The following CBFA2T3 variants were observed in gnomAD, a reference collection of about 807,000 sequenced individuals.
CBFA2T3 encodes the protein transcriptional corepressor CBFA2T3.
Under a neutral mutation model 58.6 loss-of-function variants are expected in CBFA2T3, and 31 were observed. That is an observed-to-expected ratio of 0.53 (90% CI 0.40 to 0.71). The LOEUF is 0.71. Among genes scored for constraint, CBFA2T3 ranks in the 30% least tolerant of loss-of-function variants. The probability of loss-of-function intolerance (pLI) is 0.00; values close to 1 mark genes in which losing one functional copy is unlikely to be tolerated. For synonymous variants in CBFA2T3, 531 were observed against 421.9 expected (o/e 1.26, Z -3.17); for missense variants, 1,076 against 963.1 (o/e 1.12, Z -1.55).
At chr16:88,963,457 C>T (rs1007873636) in intron 1 of CBFA2T3, among the ~76,000 whole-genome samples, 10 of 151,988 alleles carry the variant, frequency 6.6e-5, no homozygotes, top group Non-Finnish European at 1.0e-4. Context: ...ACACTGACAA[C>T]GTTCTGCAAC....
intron 1 of CBFA2T3, among the ~76,000 whole-genome samples, chr16:88,908,621 T>A (rs1191871879): frequency 6.6e-6 from 1 of 152,192 alleles, no homozygotes; most frequent in African/African-American, 2.4e-5. Flanking sequence ...GCTCCCAGCC[T>A]GGGAGTTCCA....
At chr16:88,903,926 G>C (rs1360140391) in intron 1 of CBFA2T3, among the ~76,000 whole-genome samples, 1 of 152,256 alleles carries the variant, frequency 6.6e-6, no homozygotes, top group African/African-American at 2.4e-5. Flanking sequence ...AACAGAAGTG[G>C]ATGCAGAGAG....
chr16:88,877,193 T>C lies in CBFA2T3; in HGVS notation c.1745A>G (p.His582Arg), dbSNP rs1281796445. ...GTGGTGATGCTTCTCCCAGTCCCGATGCTGGCAGAAGGACCCGCAGTAGCG... is the reference window on the plus strand; with the variant it reads ...GTGGTGATGCTTCTCCCAGTCCCGACGCTGGCAGAAGGACCCGCAGTAGCG... ...AARYCGSFCQHRDWEKHHHVC... is the reference protein window; with the variant it reads ...AARYCGSFCQRRDWEKHHHVC... The change falls in exon 12 of 12, where the codon CAT (histidine) becomes CGT (arginine). Residue 582 changes from histidine (H) to arginine (R), a missense_variant. Coordinates refer to ENST00000268679, the MANE Select transcript of CBFA2T3 (RefSeq NM_005187.6). 6.4e-7 allele frequency: 1 copy of C among 1,555,270 alleles called. No homozygotes were observed. Among genetic ancestry groups the C allele is most frequent in the Admixed American group, 1.9e-5 (1 of 51,766 alleles).
chr16:88,963,847 A>C (rs1440186917), intron 1 of CBFA2T3, among the ~76,000 whole-genome samples: 1 of 152,206 alleles, frequency 6.6e-6, no homozygotes, highest in Non-Finnish European at 1.5e-5. Context: ...GGGTCCGTGC[A>C]CGTCTGAGGC....
At chr16:88,910,610 G>A (rs1379502291) in intron 1 of CBFA2T3, among the ~76,000 whole-genome samples, 1 of 152,216 alleles carries the variant, frequency 6.6e-6, no homozygotes, top group African/African-American at 2.4e-5. Context: ...GGGGTGAGCT[G>A]CGGATGGCGT....
chr16:88,892,864 C>T (rs1052887746), intron 3 of CBFA2T3, among the ~76,000 whole-genome samples: 2 of 152,202 alleles, frequency 1.3e-5, no homozygotes, highest in African/African-American at 4.8e-5. Flanking sequence ...TGTGGCTTCT[C>T]CTGCCTGGCA....
intron 1 of CBFA2T3, among the ~76,000 whole-genome samples, chr16:88,949,832 G>A (rs549662521): frequency 2.0e-5 from 3 of 151,874 alleles, no homozygotes; most frequent in African/African-American, 4.8e-5. Flanking sequence ...CCGACATGGC[G>A]AAACCCCGTC....
intron 1 of CBFA2T3, among the ~76,000 whole-genome samples, chr16:88,961,151 A>G (rs1248722892): frequency 6.6e-6 from 1 of 152,100 alleles, no homozygotes; most frequent in African/African-American, 2.4e-5. Flanking sequence ...TGGTGTCTCT[A>G]GAGCTTTCTA....
chr16:88,876,803 C>T lies in CBFA2T3; in HGVS notation c.*173G>A. On this transcript the variant is annotated 3_prime_UTR_variant, in exon 12 of 12. Transcript: ENST00000268679. ...GAATGCGGTTTTGTTGGTTCTGTGT[C>T]TTCTTTCGGAGAGGGGCAGTAGCAG... 1.9e-6 allele frequency: 1 copy of T among 529,332 alleles called. No individual in the cohort carries two copies. The allele number at this position is 529,332 out of a possible 1,614,324, so 32.8% of individuals were successfully genotyped here.
At chr16:88,957,706 C>T (rs1046702612) in intron 1 of CBFA2T3, 29 of 152,232 alleles carry the variant, frequency 1.9e-4, no homozygotes, top group African/African-American at 6.3e-4. Context: ...AAGGCAGGTC[C>T]GACACACGCT....
In CBFA2T3 at chr16:88,908,817, G is replaced by A. The variant is rs368192626; in HGVS notation, c.152-7161C>T. ...AGGTAACGCAGGTGACCTGTCTTGA[G>A]GCCTTTGCACAGGCAACATAGCCAC... On this transcript the variant is annotated intron_variant, in intron 1 of 11. Coordinates refer to ENST00000268679, the MANE Select transcript of CBFA2T3 (RefSeq NM_005187.6). 5.9e-5 allele frequency among the ~76,000 whole-genome samples: 9 copies of A among 152,382 alleles called. No individual in the cohort carries two copies. The East Asian group carries it at 1.7e-3, about 29-fold the overall frequency.
chr16:88,931,510 A>G (rs998551681), intron 1 of CBFA2T3, among the ~76,000 whole-genome samples: 5 of 152,050 alleles, frequency 3.3e-5, no homozygotes, highest in African/African-American at 9.7e-5. Context: ...AGGACGAGCC[A>G]GAGGTGGAGA....
chr16:88,891,792 CCTGTCCACCG>C, intron 5 of CBFA2T3, 80 bp downstream of exon 5: 1 of 906,698 alleles, frequency 1.1e-6, no homozygotes, highest in Non-Finnish European at 1.8e-6. Context: ...CCCCTTCCCG[CCTGTCCACCG>C]CTGTCCACGC....
intron 1 of CBFA2T3, among the ~76,000 whole-genome samples, chr16:88,917,666 G>A (rs1488627160): frequency 6.6e-6 from 1 of 152,216 alleles, no homozygotes; most frequent in Non-Finnish European, 1.5e-5. Flanking sequence ...GGACGCTAAG[G>A]AATAATTAGG....
chr16:88,907,596 G>C (rs116545323), intron 1 of CBFA2T3, among the ~76,000 whole-genome samples: 8,142 of 152,286 alleles, frequency 0.053, 354 homozygotes, highest in African/African-American at 0.12. Context: ...TGAGGAGGGG[G>C]AGAGCCAGGT....
rs773837374 is a variant in CBFA2T3, at chr16:88,953,010, C to T, written c.151+23647G>A. Reference sequence around the variant, plus strand: ...GGGCCTGTGTCGAGACGGCATGTCCCGCCATCGGGTTTGCTGCTGAATGAG... The same window carrying T: ...GGGCCTGTGTCGAGACGGCATGTCCTGCCATCGGGTTTGCTGCTGAATGAG... On this transcript the variant is annotated intron_variant, in intron 1 of 11. Transcript: ENST00000268679. The surrounding 1 kb of genome is among the most constrained non-coding windows in gnomAD (Gnocchi z 4.9). 2.0e-5 allele frequency among the ~76,000 whole-genome samples: 3 copies of T among 151,492 alleles called. No homozygotes were observed. Among genetic ancestry groups the T allele is most frequent in the Non-Finnish European group, 4.4e-5 (3 of 67,928 alleles).
At chr16:88,896,116 G>T (rs766761999) in intron 3 of CBFA2T3, among the ~76,000 whole-genome samples, 2 of 152,208 alleles carry the variant, frequency 1.3e-5, no homozygotes, top group African/African-American at 2.4e-5. Context: ...GTGTGAGGCT[G>T]TTGGCAATAA....
Position 88,976,856 on chromosome 16 carries a change from A to T in CBFA2T3, c.-49T>A, listed in dbSNP as rs780318296. On this transcript the variant is annotated 5_prime_UTR_variant, in exon 1 of 12. Transcript: ENST00000268679. ...AACCTGGAGCCCAGGACAGGCCTCT[A>T]CCAGGACTGCCTTTCCCGACCTCCT... 2 of 1,514,986 alleles carry T rather than the reference A, an allele frequency of 1.3e-6. No individual in the cohort carries two copies. The highest frequency in any genetic ancestry group is 1.8e-6 in the Non-Finnish European group (2 of 1,121,518). The allele number at this position is 1,514,986 out of a possible 1,614,324, so 93.8% of individuals were successfully genotyped here.
chr16:88,910,293 C>T (rs570921147), intron 1 of CBFA2T3, among the ~76,000 whole-genome samples: 1 of 152,318 alleles, frequency 6.6e-6, no homozygotes, highest in Non-Finnish European at 1.5e-5. Context: ...GCCCTTCACC[C>T]TGGCTCCCCT....
Sources: allele counts gnomAD v4.1 joint callset (sites outside exome capture counted in the v4.1 genomes callset), GRCh38; gene constraint gnomAD v4.1.1; non-coding constraint Gnocchi (gnomAD v3.1); transcripts MANE v1.5; gene names NCBI Gene and HGNC (gene_info 2026-07-23, HGNC 2026-07-21).